The following PLCB1 variants were observed in gnomAD, a reference collection of about 807,000 sequenced individuals.
PLCB1 encodes 1-phosphatidylinositol 4,5-bisphosphate phosphodiesterase beta-1.
PLCB1 carries 46 observed loss-of-function variants against 161.8 expected under a neutral mutation model. The observed-to-expected ratio is 0.28, with a 90% CI of 0.22 to 0.36. The LOEUF (loss-of-function observed/expected upper bound fraction) is 0.36. Ranked by LOEUF, PLCB1 falls within the 10% of genes least tolerant of loss-of-function variation. The pLI, the probability that PLCB1 is intolerant of heterozygous loss-of-function variation, is 1.00. For synonymous variants in PLCB1, 517 were observed against 503.7 expected (o/e 1.03, Z -0.35); for missense variants, 1,016 against 1,472.5 (o/e 0.69, Z 5.07).
At chr20:8,586,124 T>C (rs1320984732) in intron 3 of PLCB1, among the ~76,000 whole-genome samples, 1 of 152,220 alleles carries the variant, frequency 6.6e-6, no homozygotes, top group Non-Finnish European at 1.5e-5. Context: ...TTTTGTTATA[T>C]TGGTTCCATT....
intron 2 of PLCB1, among the ~76,000 whole-genome samples, chr20:8,281,626 G>A (rs1261026392): frequency 6.6e-6 from 1 of 152,098 alleles, no homozygotes; most frequent in Non-Finnish European, 1.5e-5. Flanking sequence ...CTTTGGCTTA[G>A]AACTTGCATG....
At chr20:8,595,095 ATATT>A (rs550173072) in intron 3 of PLCB1, among the ~76,000 whole-genome samples, 29 of 152,166 alleles carry the variant, frequency 1.9e-4, no homozygotes, top group East Asian at 1.4e-3. Context: ...TCTATACAAA[ATATT>A]TATTTATTTT....
rs1260879008 is a variant in PLCB1, at chr20:8,788,737, T to C, written c.3278+15T>C. ...CAGATGGAAGAGTAAGTCAAAAGTGTCCCCTCTCCCAAACAGTTCATCTGG... is the reference window on the plus strand; with the variant it reads ...CAGATGGAAGAGTAAGTCAAAAGTGCCCCCTCTCCCAAACAGTTCATCTGG... On this transcript the variant is annotated intron_variant, in intron 29 of 31. Coordinates refer to ENST00000338037, the MANE Select transcript of PLCB1 (RefSeq NM_015192.4). The C allele has an allele frequency of 2.0e-6, 3 of 1,506,920 alleles. No homozygotes were observed. Among genetic ancestry groups the C allele is most frequent in the Non-Finnish European group, 2.8e-6 (3 of 1,088,988 alleles). The allele number at this position is 1,506,920 out of a possible 1,614,324, so 93.3% of individuals were successfully genotyped here.
chr20:8,799,769 T>C (rs1191023873), intron 31 of PLCB1, among the ~76,000 whole-genome samples: 1 of 152,216 alleles, frequency 6.6e-6, no homozygotes, highest in Non-Finnish European at 1.5e-5. Flanking sequence ...CCACAGATGC[T>C]CAGGTCCTTT....
At chr20:8,739,906 T>C (rs1980782483) in intron 21 of PLCB1, among the ~76,000 whole-genome samples, 1 of 152,224 alleles carries the variant, frequency 6.6e-6, no homozygotes, top group South Asian at 2.1e-4. Context: ...GGCTCACGCC[T>C]ATAATCTCAG....
chr20:8,863,231 A>G lies in PLCB1; in HGVS notation c.3424-18391A>G, dbSNP rs542262932. 1.0e-3 allele frequency among the ~76,000 whole-genome samples: 155 copies of G among 152,348 alleles called. 1 individual carries two copies. The highest frequency in any genetic ancestry group is 1.9e-3 in the Non-Finnish European group (131 of 68,036). ...ATTGGATGAGAAGTTCGCCAAGATT[A>G]TAATGCTAGAGTCTCCATAATTCAA... On this transcript the variant is annotated intron_variant, in intron 31 of 31. Coordinates refer to ENST00000338037, the MANE Select transcript of PLCB1 (RefSeq NM_015192.4).
At chr20:8,371,129 C>A (rs1986890039) in intron 2 of PLCB1, 2 of 431,014 alleles carry the variant, frequency 4.6e-6, no homozygotes, top group Non-Finnish European at 8.3e-6. Flanking sequence ...TTAGGAATGG[C>A]TTGTAGGATA....
At chr20:8,291,950 A>G (rs1983402184) in intron 2 of PLCB1, among the ~76,000 whole-genome samples, 2 of 152,134 alleles carry the variant, frequency 1.3e-5, no homozygotes, top group Admixed American at 1.3e-4. Flanking sequence ...TACATATTAA[A>G]GGGTTTATCT....
At chr20:8,374,758 C>A (rs1987020827) in intron 3 of PLCB1, among the ~76,000 whole-genome samples, 1 of 152,100 alleles carries the variant, frequency 6.6e-6, no homozygotes. Flanking sequence ...GGCAATGTAA[C>A]AAAAGGACAG....
intron 23 of PLCB1, among the ~76,000 whole-genome samples, chr20:8,747,063 G>A (rs1358266275): frequency 3.3e-5 from 5 of 152,162 alleles, no homozygotes; most frequent in African/African-American, 1.2e-4. Flanking sequence ...GCAAGGATGG[G>A]CCCTTCATTC....
intron 2 of PLCB1, among the ~76,000 whole-genome samples, chr20:8,296,425 G>A (rs1271609092): frequency 6.6e-6 from 1 of 152,134 alleles, no homozygotes; most frequent in African/African-American, 2.4e-5. Flanking sequence ...GGGGAACAAG[G>A]ACAAGTATAT....
intron 31 of PLCB1, among the ~76,000 whole-genome samples, chr20:8,847,255 C>G (rs1344815913): frequency 6.6e-6 from 1 of 152,164 alleles, no homozygotes; most frequent in East Asian, 1.9e-4. Context: ...CAAAAGAAAG[C>G]TCTCAATCTA....
At chr20:8,190,197 C>T (rs1489913562) in intron 2 of PLCB1, among the ~76,000 whole-genome samples, 1 of 151,984 alleles carries the variant, frequency 6.6e-6, no homozygotes, top group Non-Finnish European at 1.5e-5. Context: ...GCTCTGCATT[C>T]CTGTGTTTTG....
At chr20:8,566,762 C>T (rs746828243) in intron 3 of PLCB1, among the ~76,000 whole-genome samples, 20 of 151,172 alleles carry the variant, frequency 1.3e-4, no homozygotes, top group Non-Finnish European at 2.1e-4. Flanking sequence ...AGGTTTTCTG[C>T]ACTTCGGTTA....
At chr20:8,758,182 G>A (rs6086580) in intron 24 of PLCB1, among the ~76,000 whole-genome samples, 134,994 of 149,170 alleles carry the variant, frequency 0.9, 61,729 homozygotes, top group East Asian at 1. Flanking sequence ...CAGGGTGCCA[G>A]TAGATCCAGA....
At position 8,240,477 on chromosome 20, in the gene PLCB1, G is replaced by C. The variant is rs547460545; in HGVS notation, c.177+90106G>C. ...TTGATGCACAATATTTCATCACATG[G>C]ATGCGCCATCATTTTTTTCACTTTC... On this transcript the variant is annotated intron_variant, in intron 2 of 31. Transcript: ENST00000338037. 1.1e-4 allele frequency among the ~76,000 whole-genome samples: 17 copies of C among 151,976 alleles called. No individual in the cohort carries two copies. In the East Asian group the frequency reaches 3.3e-3, roughly 29 times the overall value.
At chr20:8,189,599 G>A (rs1408726659) in intron 2 of PLCB1, among the ~76,000 whole-genome samples, 1 of 152,006 alleles carries the variant, frequency 6.6e-6, no homozygotes, top group Non-Finnish European at 1.5e-5. Flanking sequence ...CAATGAACTT[G>A]TGGTTGAATG....
At chr20:8,135,018 C>T (rs1468384726) in intron 1 of PLCB1, among the ~76,000 whole-genome samples, 1 of 152,120 alleles carries the variant, frequency 6.6e-6, no homozygotes, top group African/African-American at 2.4e-5. Flanking sequence ...CTTTCTCTTC[C>T]CCAGGCATCC....
At chr20:8,302,376 T>A (rs1983947581) in intron 2 of PLCB1, among the ~76,000 whole-genome samples, 2 of 152,232 alleles carry the variant, frequency 1.3e-5, no homozygotes, top group Admixed American at 1.3e-4. Context: ...CATCTGCAGA[T>A]GTCATGACAG....
Sources: allele counts gnomAD v4.1 joint callset (sites outside exome capture counted in the v4.1 genomes callset), GRCh38; gene constraint gnomAD v4.1.1; transcripts MANE v1.5; gene names NCBI Gene and HGNC (gene_info 2026-07-23, HGNC 2026-07-21).